The following SNTG1 variants were observed in gnomAD, a reference collection of about 807,000 sequenced individuals.
SNTG1 encodes syntrophin gamma 1.
SNTG1 carries 39 observed loss-of-function variants against 74.7 expected under a neutral mutation model. The observed-to-expected ratio is 0.52, with a 90% CI of 0.40 to 0.68. The LOEUF (loss-of-function observed/expected upper bound fraction) is 0.68. Ranked by LOEUF, SNTG1 falls within the 30% of genes least tolerant of loss-of-function variation. SNTG1 has a pLI of 0.00. For missense variants in SNTG1, 685 were observed against 609.5 expected, an observed-to-expected ratio of 1.12 and a Z score of -1.30; for synonymous variants, 254 against 217.1, an observed-to-expected ratio of 1.17 and a Z score of -1.49.
chr8:50,337,745 T>G (rs1236752588), intron 2 of SNTG1, among the ~76,000 whole-genome samples: 2 of 152,250 alleles, frequency 1.3e-5, no homozygotes, highest in Non-Finnish European at 1.5e-5. Flanking sequence ...TATGGAATAC[T>G]TCCTCCTTTC....
intron 2 of SNTG1, among the ~76,000 whole-genome samples, chr8:50,325,962 T>A (rs185991180): frequency 8.7e-5 from 12 of 138,000 alleles, no homozygotes; most frequent in Admixed American, 3.2e-4. Context: ...TTTATCATAC[T>A]TTTTTTTGTG....
chr8:50,450,657 A>G (rs745729146), intron 7 of SNTG1, 31 bp from the exon 8 acceptor site: 75 of 1,613,372 alleles, frequency 4.6e-5, no homozygotes, highest in African/African-American at 2.3e-4. Context: ...ACAATATGCC[A>G]TGGGAAACTA....
intron 1 of SNTG1, among the ~76,000 whole-genome samples, chr8:50,007,769 C>A (rs1563462707): frequency 6.6e-6 from 1 of 151,938 alleles, no homozygotes; most frequent in Non-Finnish European, 1.5e-5. Flanking sequence ...ATGTGTTAGT[C>A]AATTTTCACA....
intron 15 of SNTG1, among the ~76,000 whole-genome samples, chr8:50,698,829 C>T (rs999270274): frequency 6.6e-6 from 1 of 152,080 alleles, no homozygotes; most frequent in South Asian, 2.1e-4. Context: ...CTACCGTGGC[C>T]TGAATTATAT....
Position 50,197,800 on chromosome 8 carries a change from T to TAAACATGTCCTAGTACC in SNTG1, c.-28+25166_-28+25182dup, listed in dbSNP as rs1251757591. Among the ~76,000 whole-genome samples the TAAACATGTCCTAGTACC allele has an allele frequency of 2.6e-5, 4 of 152,192 alleles. 1 individual carries two copies. Among genetic ancestry groups the TAAACATGTCCTAGTACC allele is most frequent in the African/African-American group, 9.7e-5 (4 of 41,444 alleles). ...CAGTTTTATCATTTTTCCCTAGTAG[T>TAAACATGTCCTAGTACC]AAACATGTCCTAGTACCGTCTTCTA... is the stretch of plus-strand genomic sequence containing the variant. On this transcript the variant is annotated intron_variant, in intron 2 of 18. Transcript: ENST00000642720.
intron 1 of SNTG1, among the ~76,000 whole-genome samples, chr8:50,107,573 T>G (rs2080423127): frequency 6.6e-6 from 1 of 151,818 alleles, no homozygotes; most frequent in Non-Finnish European, 1.5e-5. Flanking sequence ...TTTTTGTTTT[T>G]TTTGTTTTGT....
chr8:50,770,389 C>A (rs1406797056), intron 18 of SNTG1, among the ~76,000 whole-genome samples: 3 of 152,026 alleles, frequency 2.0e-5, no homozygotes, highest in African/African-American at 7.2e-5. Context: ...GAATGGAGAG[C>A]TTTGCAACAT....
intron 5 of SNTG1, among the ~76,000 whole-genome samples, chr8:50,440,245 C>T (rs1010434830): frequency 1.3e-5 from 2 of 151,848 alleles, no homozygotes; most frequent in Admixed American, 1.3e-4. Context: ...CACACTCTGA[C>T]AAGAAATACA....
chr8:50,241,890 T>C (rs2086180157), intron 2 of SNTG1, among the ~76,000 whole-genome samples: 1 of 151,998 alleles, frequency 6.6e-6, no homozygotes, highest in African/African-American at 2.4e-5. Context: ...AGCACTAACA[T>C]ATCAGTCTCA....
intron 2 of SNTG1, among the ~76,000 whole-genome samples, chr8:50,289,937 T>A (rs77272174): frequency 7.2e-5 from 11 of 152,280 alleles, no homozygotes; most frequent in African/African-American, 2.6e-4. Flanking sequence ...TTCCGCAGAA[T>A]GTCATCACAG....
intron 2 of SNTG1, among the ~76,000 whole-genome samples, chr8:50,240,282 C>A (rs1396485506): frequency 1.3e-5 from 2 of 152,152 alleles, no homozygotes; most frequent in Non-Finnish European, 2.9e-5. Context: ...AAGCACTTTT[C>A]TTTTATGAAG....
intron 9 of SNTG1, among the ~76,000 whole-genome samples, chr8:50,515,386 AGTTTTTT>A (rs1231111090): frequency 1.5e-3 from 147 of 99,272 alleles, no homozygotes; most frequent in African/African-American, 4.1e-3. Context: ...TAGCTGCAGG[AGTTTTTT>A]TTTTTTTTTT....
At chr8:50,100,613 T>G (rs2080086475) in intron 1 of SNTG1, among the ~76,000 whole-genome samples, 1 of 152,122 alleles carries the variant, frequency 6.6e-6, no homozygotes, top group Non-Finnish European at 1.5e-5. Flanking sequence ...TAATTGAATA[T>G]TTACTTGACA....
At chr8:50,487,929 G>A (rs2093813400) in intron 8 of SNTG1, among the ~76,000 whole-genome samples, 1 of 151,956 alleles carries the variant, frequency 6.6e-6, no homozygotes, top group South Asian at 2.1e-4. Flanking sequence ...TACCTCATAT[G>A]GTGTTTTGAA....
At position 50,206,548 on chromosome 8, in the gene SNTG1, T is replaced by C. The variant is rs549964387; in HGVS notation, c.-28+33913T>C. On this transcript the variant is annotated intron_variant, in intron 2 of 18. Coordinates refer to ENST00000642720, the MANE Select transcript of SNTG1 (RefSeq NM_018967.5). ...TTGACTTCCTCTTTTCCTAACTGAA[T>C]ACCCTTTATTTCTTTCTCCTTCCTG... 9.8e-5 allele frequency among the ~76,000 whole-genome samples: 15 copies of C among 152,314 alleles called. No individual in the cohort carries two copies. The South Asian group carries it at 3.1e-3, about 32-fold the overall frequency.
intron 17 of SNTG1, among the ~76,000 whole-genome samples, chr8:50,722,201 G>C (rs1349739226): frequency 2.8e-5 from 4 of 143,974 alleles, no homozygotes; most frequent in African/African-American, 5.6e-5. Flanking sequence ...TTGAGGTGCA[G>C]TCTTGCTCTG....
At chr8:49,969,385 A>ATT (rs1811434626) in intron 1 of SNTG1, among the ~76,000 whole-genome samples, 3 of 116,624 alleles carry the variant, frequency 2.6e-5, no homozygotes, top group African/African-American at 1.0e-4. Context: ...AATTCATTTA[A>ATT]TCTTTTTTTT....
chr8:49,972,943 G>A (rs1371882361), intron 1 of SNTG1, among the ~76,000 whole-genome samples: 1 of 152,170 alleles, frequency 6.6e-6, no homozygotes, highest in Non-Finnish European at 1.5e-5. Flanking sequence ...AACCATTGTG[G>A]AAGTTGGTGT....
intron 4 of SNTG1, among the ~76,000 whole-genome samples, chr8:50,423,830 C>T (rs561673357): frequency 2.6e-5 from 4 of 152,140 alleles, no homozygotes; most frequent in African/African-American, 9.6e-5. Flanking sequence ...ACTTAACTGA[C>T]TAGTAGTTAG....
Sources: allele counts gnomAD v4.1 joint callset (sites outside exome capture counted in the v4.1 genomes callset), GRCh38; gene constraint gnomAD v4.1.1; transcripts MANE v1.5; gene names NCBI Gene and HGNC (gene_info 2026-07-23, HGNC 2026-07-21).